The following PVT1 variants were observed in gnomAD, a reference collection of about 807,000 sequenced individuals.
The protein encoded by PVT1 is Pvt1 oncogene.
chr8:128,007,499 A>G (rs1817261423), intron 4 of PVT1, among the ~76,000 whole-genome samples: 1 of 152,150 alleles, frequency 6.6e-6, no homozygotes, highest in Admixed American at 6.6e-5. Flanking sequence ...GTCCACAATC[A>G]ATTGGAAAAG....
chr8:127,889,724 T>C (rs1443450397), intron 2 of PVT1, among the ~76,000 whole-genome samples: 1 of 152,130 alleles, frequency 6.6e-6, no homozygotes. Context: ...GGCTTCTTAC[T>C]AGTCTGAAGT....
intron 4 of PVT1, among the ~76,000 whole-genome samples, chr8:128,065,186 CTTT>C (rs1240502431): frequency 9.9e-6 from 1 of 100,988 alleles, no homozygotes; most frequent in East Asian, 4.3e-4. Flanking sequence ...GAAGTCTCTT[CTTT>C]TTTATTTTTT....
chr8:127,980,791 C>CTTT (rs11361552), intron 3 of PVT1, among the ~76,000 whole-genome samples: 105 of 120,420 alleles, frequency 8.7e-4, no homozygotes, highest in Non-Finnish European at 9.2e-4. Context: ...ACTACAGCTT[C>CTTT]TTTTTTTTTT....
rs548871103 is a variant in PVT1, at chr8:127,952,463, G to T, written n.783-36699G>T. On this transcript the variant is annotated intron_variant and non_coding_transcript_variant, in intron 3 of 10. Coordinates refer to ENST00000651587, the Ensembl canonical transcript of PVT1. ...CTTACTCAGCACAAATTTCCCCAGGGCTGCAAAGCCCCTTCCCTGTTTCCA... is the reference window on the plus strand; with the variant it reads ...CTTACTCAGCACAAATTTCCCCAGGTCTGCAAAGCCCCTTCCCTGTTTCCA... Among the ~76,000 whole-genome samples the T allele has an allele frequency of 2.0e-5, 3 of 152,358 alleles. No homozygotes were observed. The East Asian group carries it at 5.8e-4, about 29-fold the overall frequency.
intron 4 of PVT1, among the ~76,000 whole-genome samples, chr8:128,033,757 G>A (rs1016880121): frequency 2.0e-5 from 3 of 152,214 alleles, no homozygotes; most frequent in African/African-American, 7.2e-5. Context: ...TCCTTGTGTA[G>A]TTGGAGCTGC....
intron 3 of PVT1, among the ~76,000 whole-genome samples, chr8:127,908,166 C>T (rs1815845741): frequency 6.6e-6 from 1 of 152,054 alleles, no homozygotes; most frequent in African/African-American, 2.4e-5. Context: ...TATGGCACAG[C>T]TCCACAAAAT....
At chr8:127,937,259 CTT>C (rs796343025) in intron 3 of PVT1, among the ~76,000 whole-genome samples, 126 of 79,684 alleles carry the variant, frequency 1.6e-3, no homozygotes, top group Middle Eastern at 7.0e-3. Flanking sequence ...TTTTTCTTTT[CTT>C]TTTTCTTTTC....
intron 4 of PVT1, among the ~76,000 whole-genome samples, chr8:128,021,580 A>G (rs1817439057): frequency 1.3e-5 from 2 of 151,972 alleles, no homozygotes. Context: ...GGCGTGAGCA[A>G]CCGCGCCCGG....
intron 2 of PVT1, among the ~76,000 whole-genome samples, chr8:127,889,037 T>C (rs1420336951): frequency 5.5e-4 from 16 of 28,834 alleles, no homozygotes; most frequent in Non-Finnish European, 3.2e-4. Flanking sequence ...TCTCTCTTTC[T>C]TTCTTCCTTC....
At chr8:127,977,848 G>A (rs1344689823) in intron 3 of PVT1, among the ~76,000 whole-genome samples, 1 of 152,170 alleles carries the variant, frequency 6.6e-6, no homozygotes, top group Non-Finnish European at 1.5e-5. Context: ...TCTGTAAACC[G>A]CAGTTGTAAG....
Position 127,893,693 on chromosome 8 carries a change from C to T in PVT1, n.782+2695C>T, listed in dbSNP as rs549334547. On this transcript the variant is annotated intron_variant and non_coding_transcript_variant, in intron 3 of 10. Transcript: ENST00000651587. ...AGAGATGCACATTCTCCCTTCTTGGCCACTGGTGACTGTGACCTTGGGCAA... is the reference window on the plus strand; with the variant it reads ...AGAGATGCACATTCTCCCTTCTTGGTCACTGGTGACTGTGACCTTGGGCAA... Among the ~76,000 whole-genome samples the T allele has an allele frequency of 7.2e-5, 11 of 152,308 alleles. No individual in the cohort carries two copies. In the East Asian group the frequency reaches 2.1e-3, roughly 29 times the overall value.
chr8:127,805,100 T>C (rs1333987527), intron 2 of PVT1, among the ~76,000 whole-genome samples: 1 of 151,752 alleles, frequency 6.6e-6, no homozygotes, highest in Non-Finnish European at 1.5e-5. Context: ...CCGGCTAATT[T>C]TGTGTTTTTA....
chr8:127,971,947 G>A (rs1816768537), intron 3 of PVT1, among the ~76,000 whole-genome samples: 1 of 152,238 alleles, frequency 6.6e-6, no homozygotes. Flanking sequence ...TGACTGTGGT[G>A]AAGATGGCCC....
intron 3 of PVT1, among the ~76,000 whole-genome samples, chr8:127,961,355 C>T (rs910158472): frequency 1.3e-5 from 2 of 152,156 alleles, no homozygotes; most frequent in African/African-American, 4.8e-5. Context: ...AGAGAGAAGT[C>T]CCTGAACGCG....
At chr8:127,943,178 A>G (rs1816372830) in intron 3 of PVT1, among the ~76,000 whole-genome samples, 1 of 152,096 alleles carries the variant, frequency 6.6e-6, no homozygotes, top group Non-Finnish European at 1.5e-5. Context: ...CTGCCCGTTG[A>G]TGCCCTCCCC....
chr8:127,848,380 A>G (rs1815062923), intron 2 of PVT1, among the ~76,000 whole-genome samples: 1 of 151,732 alleles, frequency 6.6e-6, no homozygotes, highest in East Asian at 1.9e-4. Flanking sequence ...GCAAGACCTC[A>G]TCTCTCCAAA....
rs146162106 is a variant in PVT1, at chr8:127,939,130, A to G, written n.782+48132A>G. ...AGGCTTTGCAGTTATGGAGGAAGAA[A>G]GAGCTGGGGTCTGTCTTGGCAACCC... On this transcript the variant is annotated intron_variant and non_coding_transcript_variant, in intron 3 of 10. Transcript: ENST00000651587. Among the ~76,000 whole-genome samples the G allele has an allele frequency of 2.7e-3, 417 of 152,336 alleles. 5 individuals carry two copies. Among genetic ancestry groups the G allele is most frequent in the African/African-American group, 9.5e-3 (394 of 41,578 alleles).
At chr8:127,997,965 G>A (rs753509163) in intron 4 of PVT1, among the ~76,000 whole-genome samples, 18 of 152,126 alleles carry the variant, frequency 1.2e-4, no homozygotes, top group Non-Finnish European at 2.2e-4. Context: ...TTCATAGAAC[G>A]TACCTCTGTG....
intron 2 of PVT1, among the ~76,000 whole-genome samples, chr8:127,798,704 C>CAAAAAAAAAAAAAA (rs71300266): frequency 1.8e-5 from 2 of 110,398 alleles, no homozygotes; most frequent in African/African-American, 4.0e-5. Context: ...ACTAAAAATA[C>CAAAAAAAAAAAAAA]AAAAAAAAAA....
Sources: allele counts gnomAD v4.1 joint callset (sites outside exome capture counted in the v4.1 genomes callset), GRCh38; gene constraint gnomAD v4.1.1; transcripts MANE v1.5; gene names NCBI Gene and HGNC (gene_info 2026-07-23, HGNC 2026-07-21).